DNAH6: variants seen among roughly 807,000 people sequenced by gnomAD.
DNAH6 encodes axonemal beta dynein heavy chain 6.
In DNAH6, 340 loss-of-function variants were observed where a neutral mutation model predicts 491.4. The ratio of observed to expected loss-of-function variants is 0.69; its 90% confidence interval spans 0.63 to 0.76. The LOEUF (loss-of-function observed/expected upper bound fraction) is 0.76, where lower values mean the gene tolerates loss of function less well. Among genes scored for constraint, DNAH6 ranks in the 30% least tolerant of loss-of-function variants. The probability of loss-of-function intolerance (pLI) is 0.00; values close to 1 mark genes in which losing one functional copy is unlikely to be tolerated. For synonymous variants in DNAH6, 1,603 were observed against 1,686.1 expected (o/e 0.95, Z 1.21); for missense variants, 4,443 against 4,972.2 (o/e 0.89, Z 3.20).
chr2:84,683,225 G>T (rs1240434971), intron 42 of DNAH6, among the ~76,000 whole-genome samples: 1 of 152,156 alleles, frequency 6.6e-6, no homozygotes, highest in East Asian at 1.9e-4. Flanking sequence ...AGCTCCCCAA[G>T]GGCTGTATGC....
At chr2:84,770,460 A>G (rs1400801092) in intron 64 of DNAH6, among the ~76,000 whole-genome samples, 2 of 152,230 alleles carry the variant, frequency 1.3e-5, no homozygotes, top group Admixed American at 6.5e-5. Context: ...TGAACAAATA[A>G]CTAAAGGAAA....
In DNAH6 at chr2:84,705,834, C is replaced by T. The variant is rs891243492; in HGVS notation, c.8727+87C>T. 76 of 1,393,126 alleles carry T rather than the reference C, an allele frequency of 5.5e-5. 4 individuals carry two copies. In the South Asian group the frequency reaches 1.2e-3, roughly 21 times the overall value. The allele number at this position is 1,393,126 out of a possible 1,614,324, so 86.3% of individuals were successfully genotyped here. A position where few individuals can be genotyped will look rare whatever the true frequency, so the allele number is the denominator to read the frequency against. The stretch of plus-strand genomic sequence containing the variant: ...GTTCTCTGTATAATGTTACTGTGGT[C>T]CTACGCAATATAGACAGTGACAAAA... On this transcript the variant is annotated intron_variant, in intron 52 of 76. Transcript: ENST00000389394.
In DNAH6 at chr2:84,692,484, A is replaced by G. The variant is rs538107944; in HGVS notation, c.7293-1765A>G. ...AGATAGATAGATAGATAGATAGATA[A>G]ATTTCCCAGAGAAGGAAGGGGAGGA... On this transcript the variant is annotated intron_variant, in intron 45 of 76. Coordinates refer to ENST00000389394, the MANE Select transcript of DNAH6 (RefSeq NM_001370.2). Among the ~76,000 whole-genome samples the G allele has an allele frequency of 9.5e-4, 143 of 150,456 alleles. 2 individuals carry two copies. Among genetic ancestry groups the G allele is most frequent in the African/African-American group, 3.4e-3 (135 of 40,162 alleles).
intron 1 of DNAH6, among the ~76,000 whole-genome samples, chr2:84,517,164 A>G (rs1675679701): frequency 6.6e-6 from 1 of 152,144 alleles, no homozygotes. Flanking sequence ...GGTGTTTCGA[A>G]GTATCTCCAC....
At chr2:84,640,367 A>G (rs1689274210) in intron 31 of DNAH6, 63 bp from the exon 32 acceptor site, 1 of 1,027,198 alleles carries the variant, frequency 9.7e-7, no homozygotes, top group Admixed American at 2.5e-5. Context: ...CTATGTTGGT[A>G]TCATGCTAAT....
chr2:84,469,933 A>T, the DNAH6 span, among the ~76,000 whole-genome samples: 3,171 of 152,116 alleles, frequency 0.021, 116 homozygotes, highest in African/African-American at 0.073. The surrounding 1 kb of genome is among the most constrained non-coding windows in gnomAD (Gnocchi z 4.0). Flanking sequence ...TGGGCCTTTA[A>T]CCCAACGTTG....
the DNAH6 span, among the ~76,000 whole-genome samples, chr2:84,492,397 C>A: frequency 1.3e-5 from 2 of 152,270 alleles, no homozygotes. Flanking sequence ...GTCAACCAAC[C>A]CCCTTGTTTC....
chr2:84,814,216 T>A (rs1008358730), intron 75 of DNAH6, 94 bp downstream of exon 75: 6 of 1,323,466 alleles, frequency 4.5e-6, no homozygotes, highest in African/African-American at 1.5e-5. Flanking sequence ...CCCCACCACC[T>A]CCCATTGGCA....
intron 45 of DNAH6, among the ~76,000 whole-genome samples, chr2:84,692,643 C>T (rs902993574): frequency 6.6e-6 from 1 of 152,138 alleles, no homozygotes; most frequent in Admixed American, 6.5e-5. Flanking sequence ...TTATCACCCC[C>T]TTTTCTATCA....
chr2:84,796,245 T>G (rs1260395738), intron 68 of DNAH6, 61 bp from the exon 69 acceptor site: 2 of 1,106,870 alleles, frequency 1.8e-6, no homozygotes, highest in Admixed American at 3.3e-5. Context: ...AATTTAAAAT[T>G]AGGTATGCCT....
At chr2:84,532,123 T>C (rs139365490) in intron 4 of DNAH6, among the ~76,000 whole-genome samples, 3 of 152,300 alleles carry the variant, frequency 2.0e-5, no homozygotes, top group Admixed American at 1.3e-4. Flanking sequence ...GAACTGATTC[T>C]CATCTATTTA....
chr2:84,600,966 C>T (rs114508111), intron 18 of DNAH6, among the ~76,000 whole-genome samples: 3,921 of 143,232 alleles, frequency 0.027, 195 homozygotes, highest in African/African-American at 0.1. Flanking sequence ...GGAATAATAA[C>T]ACTATATTAT....
At chr2:84,640,372 G>A in intron 31 of DNAH6, 58 bp from the exon 32 acceptor site, 1 of 1,092,076 alleles carries the variant, frequency 9.2e-7, no homozygotes, top group Non-Finnish European at 1.3e-6. Flanking sequence ...TTGGTATCAT[G>A]CTAATACATT....
At chr2:84,749,000 CTT>C (rs1239921614) in intron 63 of DNAH6, among the ~76,000 whole-genome samples, 7 of 152,172 alleles carry the variant, frequency 4.6e-5, no homozygotes, top group Admixed American at 4.6e-4. Context: ...GCACCAGACT[CTT>C]TTAAACAACT....
chr2:84,809,510 T>G (rs1463705256), intron 72 of DNAH6, among the ~76,000 whole-genome samples: 1 of 152,156 alleles, frequency 6.6e-6, no homozygotes, highest in East Asian at 1.9e-4. Context: ...GCTAAGTCTC[T>G]CTCCTCTCTC....
chr2:84,515,558 A>T (rs1309190858), upstream of DNAH6, among the ~76,000 whole-genome samples: 1 of 152,254 alleles, frequency 6.6e-6, no homozygotes, highest in Non-Finnish European at 1.5e-5. Context: ...TAATGTAAAG[A>T]ACTTCACATA....
chr2:84,722,141 C>G (rs1189405269), intron 59 of DNAH6, among the ~76,000 whole-genome samples: 1 of 152,182 alleles, frequency 6.6e-6, no homozygotes, highest in African/African-American at 2.4e-5. Context: ...AGGTAAAGAA[C>G]AAGAATATTA....
intron 22 of DNAH6, among the ~76,000 whole-genome samples, chr2:84,613,888 A>G (rs780500426): frequency 2.0e-4 from 30 of 152,158 alleles, no homozygotes; most frequent in Non-Finnish European, 3.7e-4. Context: ...GCATTCCTTT[A>G]TCAAATAATG....
intron 63 of DNAH6, among the ~76,000 whole-genome samples, chr2:84,746,394 GAA>G (rs998553637): frequency 1.3e-5 from 2 of 150,884 alleles, no homozygotes; most frequent in Non-Finnish European, 3.0e-5. Context: ...AGCTCTAGGA[GAA>G]AAAAAAAGTG....
Sources: gnomAD v4.1 joint callset for allele counts (sites outside exome capture counted in the v4.1 genomes callset) on GRCh38, gnomAD v4.1.1 for gene constraint, Gnocchi (gnomAD v3.1) non-coding constraint, MANE v1.5 for transcripts, NCBI Gene and HGNC (gene_info 2026-07-23, HGNC 2026-07-21) for gene names.